DCTN3: variants seen among roughly 807,000 people sequenced by gnomAD.
The protein encoded by DCTN3 is dynactin subunit 3, also known as dynactin 3 (p22).
Under a neutral mutation model 28.4 loss-of-function variants are expected in DCTN3, and 25 were observed. That is an observed-to-expected ratio of 0.88 (90% CI 0.64 to 1.23). The LOEUF (loss-of-function observed/expected upper bound fraction) is 1.23, where lower values mean the gene tolerates loss of function less well. Ranked by LOEUF, DCTN3 falls within the 50% of genes most tolerant of loss-of-function variation. DCTN3 has a pLI of 0.00. For missense variants in DCTN3, 229 were observed against 232.0 expected, an observed-to-expected ratio of 0.99 and a Z score of 0.08; for synonymous variants, 81 against 91.4, an observed-to-expected ratio of 0.89 and a Z score of 0.65.
At chr9:34,617,463 A>C (rs1820448413) in intron 3 of DCTN3, among the ~76,000 whole-genome samples, 1 of 152,272 alleles carries the variant, frequency 6.6e-6, no homozygotes, top group African/African-American at 2.4e-5. Flanking sequence ...GTTCCTGCCT[A>C]GAACTCTGAC....
At chr9:34,614,563 G>GGGGCAT in intron 5 of DCTN3, 147 bp downstream of exon 5, 1 of 853,996 alleles carries the variant, frequency 1.2e-6, no homozygotes. Context: ...TTACCTCCCT[G>GGGGCAT]GGGCATATGC....
Position 34,613,672 on chromosome 9 carries a change from G to T in DCTN3, c.*110C>A. The T allele has an allele frequency of 7.0e-7, 1 of 1,438,388 alleles. No homozygotes were observed. Among genetic ancestry groups the T allele is most frequent in the Non-Finnish European group, 9.4e-7 (1 of 1,067,850 alleles). 89.1% of individuals were successfully genotyped at this position (1,438,388 alleles called of 1,614,324 possible). On this transcript the variant is annotated 3_prime_UTR_variant, in exon 7 of 7. Transcript: ENST00000259632. ...TTAGAGCCCAGAGTACAGAGAGGTG[G>T]GCCTTGAAGCCAATAAATACAAAGC...
At chr9:34,614,600 C>A in intron 5 of DCTN3, 110 bp downstream of exon 5, 1 of 1,281,182 alleles carries the variant, frequency 7.8e-7, no homozygotes, top group Non-Finnish European at 1.1e-6. Flanking sequence ...CCCAAAGTTT[C>A]TGCTGAGGTT....
chr9:34,614,693 C>T lies in DCTN3; in HGVS notation c.411+17G>A. The T allele has an allele frequency of 6.2e-7, 1 of 1,614,012 alleles. No individual in the cohort carries two copies. Among genetic ancestry groups the T allele is most frequent in the Non-Finnish European group, 8.5e-7 (1 of 1,180,018 alleles). ...CGCCACCTCCATCTTCGCTTCTAGT[C>T]ATCTCCCCTCCCATACCTGCTGCTG... On this transcript the variant is annotated intron_variant, in intron 5 of 6. Coordinates refer to ENST00000259632, the MANE Select transcript of DCTN3 (RefSeq NM_007234.5).
At position 34,620,400 on chromosome 9, in the gene DCTN3, TACAC is replaced by T; in HGVS notation, c.61_64del (p.Val21ThrfsTer33). 1 of 1,589,638 alleles carries T rather than the reference TACAC, an allele frequency of 6.3e-7. No homozygotes were observed. The highest frequency in any genetic ancestry group is 8.6e-7 in the Non-Finnish European group (1 of 1,168,818). Reference sequence around the variant, plus strand: ...TGAGCCGCGCGCCCCGCCCGGCCCGTACACCCAGCGCTCCAGCTCTTCCACTCGG... The same window carrying T: ...TGAGCCGCGCGCCCCGCCCGGCCCGTCCAGCGCTCCAGCTCTTCCACTCGG... On this transcript the variant is annotated frameshift_variant, in exon 1 of 7. Coordinates refer to ENST00000259632, the MANE Select transcript of DCTN3 (RefSeq NM_007234.5). LOFTEE classifies it high-confidence loss of function.
chr9:34,614,738 C>T lies in DCTN3; in HGVS notation c.383G>A (p.Arg128His), dbSNP rs772318502. 8.7e-6 allele frequency: 14 copies of T among 1,613,946 alleles called. No homozygotes were observed. Among genetic ancestry groups the T allele is most frequent in the Middle Eastern group, 1.6e-4 (1 of 6,084 alleles). ...CTGCTGAATGTGGATCTGGGCCAAG[C>T]GCTGCAGGCGGGCAGCATGCTCAGG... The part of the protein sequence containing the change: ...AVPEHAARLQ[R>H]LAQIHIQQQD... The change falls in exon 5 of 7, where the codon CGC becomes CAC. Residue 128 changes from arginine (R) to histidine (H), a missense_variant. Physicochemically the swap from Arg to His is conservative, Grantham distance 29. Transcript: ENST00000259632.
chr9:34,615,899 C>CAAAA (rs35159161), intron 4 of DCTN3, 131 bp downstream of exon 4: 169 of 450,378 alleles, frequency 3.8e-4, no homozygotes, highest in East Asian at 6.0e-4. Flanking sequence ...CGACTCTGTC[C>CAAAA]AAAAAAAAAA....
At position 34,619,845 on chromosome 9, in the gene DCTN3, T is replaced by C. The variant is rs535756203; in HGVS notation, c.96+524A>G. On this transcript the variant is annotated intron_variant, in intron 1 of 6. Coordinates refer to ENST00000259632, the MANE Select transcript of DCTN3 (RefSeq NM_007234.5). The stretch of plus-strand genomic sequence containing the variant: ...TTCGTAGTTGTCAAAATTCTGTCAC[T>C]GGTATAAAGCAGTGCTAGTCCACAT... Among the ~76,000 whole-genome samples, 36 of 152,316 alleles carry C rather than the reference T, an allele frequency of 2.4e-4. 1 individual carries two copies. In the South Asian group the frequency reaches 7.0e-3, roughly 30 times the overall value.
intron 4 of DCTN3, 115 bp downstream of exon 4, chr9:34,615,915 A>AT: frequency 1.1e-5 from 8 of 739,502 alleles, no homozygotes; most frequent in Non-Finnish European, 1.7e-5. Context: ...AAAAAAAAAA[A>AT]GATAAGGAAC....
At chr9:34,618,109 G>A (rs1340557075) in intron 2 of DCTN3, 138 bp from the exon 3 acceptor site, 2 of 714,082 alleles carry the variant, frequency 2.8e-6, no homozygotes, top group Non-Finnish European at 4.5e-6. Flanking sequence ...CATGAGCAGG[G>A]CTCCACCAGG....
chr9:34,618,322 T>C (rs1293192839), intron 2 of DCTN3, among the ~76,000 whole-genome samples: 1 of 152,166 alleles, frequency 6.6e-6, no homozygotes, highest in Non-Finnish European at 1.5e-5. Context: ...TTCTAGTTAC[T>C]AAGCAGGTTA....
chr9:34,616,017 C>T lies in DCTN3; in HGVS notation c.352+13G>A. On this transcript the variant is annotated intron_variant, in intron 4 of 6. Coordinates refer to ENST00000259632, the MANE Select transcript of DCTN3 (RefSeq NM_007234.5). The surrounding 1 kb of genome is among the most constrained non-coding windows in gnomAD (Gnocchi z 4.7). ...CCAACCAGAGTAGTGAAGCTATAACCCCAGAGAGATACCTTTGATGTGAGC... is the reference window on the plus strand; with the variant it reads ...CCAACCAGAGTAGTGAAGCTATAACTCCAGAGAGATACCTTTGATGTGAGC... 6.2e-7 allele frequency: 1 copy of T among 1,612,248 alleles called. No individual in the cohort carries two copies. The highest frequency in any genetic ancestry group is 8.5e-7 in the Non-Finnish European group (1 of 1,178,446).
intron 2 of DCTN3, among the ~76,000 whole-genome samples, chr9:34,618,386 C>T (rs373137728): frequency 6.6e-6 from 1 of 152,172 alleles, no homozygotes; most frequent in African/African-American, 2.4e-5. Flanking sequence ...TGCCCCTTAA[C>T]CTTGCCTGGG....
intron 1 of DCTN3, 151 bp from the exon 2 acceptor site, chr9:34,618,911 C>T (rs991564448): frequency 6.1e-6 from 4 of 653,374 alleles, no homozygotes; most frequent in Non-Finnish European, 1.1e-5. Context: ...GATGCAGCCC[C>T]ACCTTCCAGG....
In DCTN3 at chr9:34,616,016, C is replaced by A. The variant is rs775657370; in HGVS notation, c.352+14G>T. The A allele has an allele frequency of 3.1e-6, 5 of 1,611,926 alleles. No individual in the cohort carries two copies. The African/African-American group carries it at 5.3e-5, about 17-fold the overall frequency. On this transcript the variant is annotated intron_variant, in intron 4 of 6. Coordinates refer to ENST00000259632, the MANE Select transcript of DCTN3 (RefSeq NM_007234.5). This position sits in a 1 kb window ranked among gnomAD's most constrained non-coding sequence, Gnocchi z 4.7. ...CCCAACCAGAGTAGTGAAGCTATAA[C>A]CCCAGAGAGATACCTTTGATGTGAG...
chr9:34,617,636 A>G, intron 3 of DCTN3: 1 of 1,422,550 alleles, frequency 7.0e-7, no homozygotes. Context: ...GAGGCAAACT[A>G]TTGATAGAAC....
Position 34,616,177 on chromosome 9 carries a change from G to T in DCTN3, c.269-64C>A. ...ACCTGGGCATTGCTAATCAGCCCAT[G>T]TAAGGGCCTGAGGACCTGGCAAGGG... is the stretch of plus-strand genomic sequence containing the variant. On this transcript the variant is annotated intron_variant, in intron 3 of 6. Coordinates refer to ENST00000259632, the MANE Select transcript of DCTN3 (RefSeq NM_007234.5). The surrounding 1 kb of genome is among the most constrained non-coding windows in gnomAD (Gnocchi z 4.7). 1.5e-6 allele frequency: 2 copies of T among 1,331,446 alleles called. No homozygotes were observed. The highest frequency in any genetic ancestry group is 2.1e-6 in the Non-Finnish European group (2 of 931,546). The allele number at this position is 1,331,446 out of a possible 1,614,324, so 82.5% of individuals were successfully genotyped here. A position where few individuals can be genotyped will look rare whatever the true frequency, so the allele number is the denominator to read the frequency against.
chr9:34,618,274 C>T (rs187195808), intron 2 of DCTN3, among the ~76,000 whole-genome samples: 2 of 152,186 alleles, frequency 1.3e-5, no homozygotes, highest in African/African-American at 4.8e-5. Flanking sequence ...CCTCTTTTCT[C>T]CTAGATGTCA....
intron 5 of DCTN3, 157 bp downstream of exon 5, chr9:34,614,553 T>C (rs1394363098): frequency 1.3e-6 from 1 of 785,858 alleles, no homozygotes; most frequent in Non-Finnish European, 2.0e-6. Context: ...GCAAGTCCCT[T>C]TACCTCCCTG....
Sources: allele counts gnomAD v4.1 joint callset (sites outside exome capture counted in the v4.1 genomes callset), GRCh38; gene constraint gnomAD v4.1.1; non-coding constraint Gnocchi (gnomAD v3.1); transcripts MANE v1.5; gene names NCBI Gene and HGNC (gene_info 2026-07-23, HGNC 2026-07-21).